The following OSBPL6 variants were observed in gnomAD, a reference collection of about 807,000 sequenced individuals.
OSBPL6 encodes oxysterol-binding protein-related protein 6.
Under a neutral mutation model 125.8 loss-of-function variants are expected in OSBPL6, and 49 were observed. The observed-to-expected ratio is 0.39, with a 90% CI of 0.31 to 0.49. OSBPL6 has a LOEUF of 0.49. OSBPL6 is among the 20% of genes least tolerant of loss of function. The pLI, the probability that OSBPL6 is intolerant of heterozygous loss-of-function variation, is 0.88. For synonymous variants in OSBPL6, 394 were observed against 391.8 expected (o/e 1.01, Z -0.07); for missense variants, 986 against 1,135.4 (o/e 0.87, Z 1.89).
chr2:178,224,244 G>A (rs1195447233), intron 1 of OSBPL6, among the ~76,000 whole-genome samples: 1 of 152,144 alleles, frequency 6.6e-6, no homozygotes, highest in East Asian at 1.9e-4. Flanking sequence ...TGAAGCAAAT[G>A]GTAGACACTA....
At chr2:178,217,268 A>G (rs1162278411) in intron 1 of OSBPL6, among the ~76,000 whole-genome samples, 1 of 152,204 alleles carries the variant, frequency 6.6e-6, no homozygotes, top group African/African-American at 2.4e-5. Flanking sequence ...GTTATTTTAA[A>G]ATAGAGTATT....
chr2:178,387,130 T>C lies in OSBPL6; in HGVS notation c.2147T>C (p.Met716Thr), dbSNP rs748592141. 6.2e-7 allele frequency: 1 copy of C among 1,610,672 alleles called. No individual in the cohort carries two copies. The highest frequency in any genetic ancestry group is 8.5e-7 in the Non-Finnish European group (1 of 1,177,184). Residue 716 changes from methionine (M) to threonine (T), a missense_variant, in exon 20 of 25, where the codon ATG becomes ACG. Met to Thr is a moderately conservative substitution (Grantham distance 81). This residue lies in a region of OSBPL6 where 843 missense variants were observed against 997.3 expected (regional missense o/e 0.85). Coordinates refer to ENST00000190611, the MANE Select transcript of OSBPL6 (RefSeq NM_032523.4). Reference sequence around the variant, plus strand: ...CTGCCTGTTGGAACACTGAATGTCATGCTTCCAAAGTAGGTGACTCACACC... The same window carrying C: ...CTGCCTGTTGGAACACTGAATGTCACGCTTCCAAAGTAGGTGACTCACACC... ...EILPVGTLNVMLPKYGDYYVW... is the reference protein window; with the variant it reads ...EILPVGTLNVTLPKYGDYYVW...
intron 1 of OSBPL6, among the ~76,000 whole-genome samples, chr2:178,255,318 A>G (rs1385256895): frequency 6.6e-6 from 1 of 152,230 alleles, no homozygotes; most frequent in Non-Finnish European, 1.5e-5. Flanking sequence ...AAAAACAAAA[A>G]ACAAAAAACA....
Position 178,306,199 on chromosome 2 carries a change from G to T in OSBPL6, c.15G>T (p.Glu5Asp), listed in dbSNP as rs746062885. 2 of 1,612,950 alleles carry T rather than the reference G, an allele frequency of 1.2e-6. No homozygotes were observed. The highest frequency in any genetic ancestry group is 4.5e-5 in the East Asian group (2 of 44,854). Residue 5 changes from glutamate to aspartate, a missense_variant, in exon 3 of 25, where the codon GAG (glutamate) becomes GAT (aspartate). Glu to Asp is a conservative substitution (Grantham distance 45). Around this residue, in one of 3 missense-constraint regions of OSBPL6, gnomAD observed 130 missense variants for 106.4 expected, o/e 1.22. Transcript: ENST00000190611. Reference protein sequence around the residue: MSSDEKGISPAHKTS... With the variant: MSSDDKGISPAHKTS... ...TAACTGCAGCGATGAGTTCAGATGA[G>T]AAGGGCATTTCCCCTGCTCATAAAA...
intron 1 of OSBPL6, among the ~76,000 whole-genome samples, chr2:178,205,144 A>G (rs2089463615): frequency 6.6e-6 from 1 of 152,220 alleles, no homozygotes; most frequent in African/African-American, 2.4e-5. Flanking sequence ...TCCAAAGCCA[A>G]TTGGCCCATA....
At chr2:178,358,375 A>G (rs1202581910) in intron 12 of OSBPL6, among the ~76,000 whole-genome samples, 1 of 152,216 alleles carries the variant, frequency 6.6e-6, no homozygotes, top group East Asian at 1.9e-4. Context: ...TAATCAAAAT[A>G]GTATGGTATT....
intron 1 of OSBPL6, among the ~76,000 whole-genome samples, chr2:178,206,482 G>A (rs1440940871): frequency 2.0e-5 from 3 of 152,132 alleles, no homozygotes; most frequent in Non-Finnish European, 4.4e-5. Context: ...CCAGCCTTTG[G>A]TTTTCAAGAT....
chr2:178,211,166 G>A (rs1000212217), intron 1 of OSBPL6, among the ~76,000 whole-genome samples: 15 of 152,126 alleles, frequency 9.9e-5, no homozygotes, highest in African/African-American at 2.9e-4. Flanking sequence ...AGCTCCTCAC[G>A]AGGCTAAGGA....
upstream of OSBPL6, among the ~76,000 whole-genome samples, chr2:178,194,220 G>A (rs1430263282): frequency 2.6e-5 from 4 of 152,288 alleles, no homozygotes; most frequent in African/African-American, 9.6e-5. Flanking sequence ...GGGACACCAC[G>A]GGTTCCCACG....
chr2:178,359,389 A>G (rs916904434), intron 12 of OSBPL6, among the ~76,000 whole-genome samples: 28 of 152,186 alleles, frequency 1.8e-4, no homozygotes, highest in Non-Finnish European at 2.8e-4. Context: ...TAGTTATTAA[A>G]AAGACGAGAC....
chr2:178,339,693 A>C lies in OSBPL6; in HGVS notation c.916A>C (p.Lys306Gln). ...GTAGGCTAACTGTGTAGATATTTCA[A>C]AGAAAGACAAGCGGGTCACAAGACG... ...DMQANCVDIS[K>Q]KDKRVTRRWR... The change falls in exon 11 of 25, where the codon AAG (lysine) becomes CAG (glutamine). Residue 306 changes from lysine (K) to glutamine (Q), a missense_variant. Physicochemically the swap from Lys to Gln is moderately conservative, Grantham distance 53. Coordinates refer to ENST00000190611, the MANE Select transcript of OSBPL6 (RefSeq NM_032523.4). 6.2e-7 allele frequency: 1 copy of C among 1,606,196 alleles called. No individual in the cohort carries two copies. Among genetic ancestry groups the C allele is most frequent in the Non-Finnish European group, 8.5e-7 (1 of 1,176,748 alleles).
At chr2:178,292,692 A>C (rs899782639) in intron 2 of OSBPL6, among the ~76,000 whole-genome samples, 1 of 152,126 alleles carries the variant, frequency 6.6e-6, no homozygotes, top group Non-Finnish European at 1.5e-5. Flanking sequence ...AGTATCCTCC[A>C]GGCACTGTTA....
chr2:178,232,187 C>A (rs1334519157), intron 1 of OSBPL6, among the ~76,000 whole-genome samples: 1 of 152,140 alleles, frequency 6.6e-6, no homozygotes, highest in African/African-American at 2.4e-5. Context: ...ATTCTAGAAT[C>A]TGGTCTAAGA....
intron 14 of OSBPL6, among the ~76,000 whole-genome samples, chr2:178,373,526 T>G (rs1693593592): frequency 6.6e-6 from 1 of 152,222 alleles, no homozygotes; most frequent in Non-Finnish European, 1.5e-5. Flanking sequence ...CTCTAGTAGT[T>G]TCTACGAATA....
rs372348842 is a variant in OSBPL6 at position 178,267,496 on chromosome 2, A to G, written c.-350-17431A>G. On this transcript the variant is annotated intron_variant, in intron 1 of 24. Coordinates refer to ENST00000190611, the MANE Select transcript of OSBPL6 (RefSeq NM_032523.4). Reference sequence around the variant, plus strand: ...ATAGGATGAAAAGAAAACTGAAAATAACAAAAGCTACATCTAATACTCTCG... The same window carrying G: ...ATAGGATGAAAAGAAAACTGAAAATGACAAAAGCTACATCTAATACTCTCG... 7.9e-5 allele frequency among the ~76,000 whole-genome samples: 12 copies of G among 152,330 alleles called. 1 individual carries two copies. Among genetic ancestry groups the G allele is most frequent in the African/African-American group, 2.9e-4 (12 of 41,582 alleles).
Position 178,332,681 on chromosome 2 carries a change from T to A in OSBPL6, c.413T>A (p.Leu138His), listed in dbSNP as rs750729458. ...GTCCATGGGAGCATAGATGTGGGAC[T>A]CTCAGTCATGTCAATTAAAAAGAAA... ...GKVHGSIDVG[L>H]SVMSIKKKAR... is the part of the protein sequence containing the mutation. The change falls in exon 7 of 25, where the codon CTC becomes CAC. Residue 138 changes from leucine (L) to histidine (H), a missense_variant. Coordinates refer to ENST00000190611, the MANE Select transcript of OSBPL6 (RefSeq NM_032523.4). 1 of 1,614,164 alleles carries A rather than the reference T, an allele frequency of 6.2e-7. No homozygotes were observed. Among genetic ancestry groups the A allele is most frequent in the South Asian group, 1.1e-5 (1 of 91,076 alleles).
intron 1 of OSBPL6, among the ~76,000 whole-genome samples, chr2:178,254,037 A>T (rs773001727): frequency 6.6e-6 from 1 of 152,170 alleles, no homozygotes; most frequent in African/African-American, 2.4e-5. Context: ...CCCCACCAGC[A>T]AGAAGGCCCT....
At chr2:178,306,489 A>G (rs1007961064) in intron 3 of OSBPL6, among the ~76,000 whole-genome samples, 2 of 152,212 alleles carry the variant, frequency 1.3e-5, no homozygotes, top group African/African-American at 4.8e-5. Flanking sequence ...CTTTTTTAGA[A>G]GGCAGACACA....
At chr2:178,383,311 G>A in intron 17 of OSBPL6, 34 bp downstream of exon 17, 1 of 1,602,762 alleles carries the variant, frequency 6.2e-7, no homozygotes, top group Non-Finnish European at 8.5e-7. Flanking sequence ...CGCCCCTCAG[G>A]GATTTGCCAA....
Sources: allele counts gnomAD v4.1 joint callset (sites outside exome capture counted in the v4.1 genomes callset), GRCh38; gene constraint gnomAD v4.1.1; regional missense constraint gnomAD v4.1.1; transcripts MANE v1.5; gene names NCBI Gene and HGNC (gene_info 2026-07-23, HGNC 2026-07-21).